The following ADAMTS19 variants were observed in gnomAD, a reference collection of about 807,000 sequenced individuals.
ADAMTS19 encodes ADAM metallopeptidase with thrombospondin type 1 motif 19, also known as A disintegrin and metalloproteinase with thrombospondin motifs 19.
Under a neutral mutation model 153.3 loss-of-function variants are expected in ADAMTS19, and 93 were observed. The observed-to-expected ratio is 0.61, with a 90% CI of 0.51 to 0.72. ADAMTS19 has a LOEUF of 0.72. Among genes scored for constraint, ADAMTS19 ranks in the 30% least tolerant of loss-of-function variants. The probability of loss-of-function intolerance (pLI) is 0.00; values close to 1 mark genes in which losing one functional copy is unlikely to be tolerated. For synonymous variants in ADAMTS19, 600 were observed against 556.6 expected (o/e 1.08, Z -1.10); for missense variants, 1,482 against 1,552.1 (o/e 0.95, Z 0.76).
chr5:129,514,062 G>A (rs868222434), intron 3 of ADAMTS19, among the ~76,000 whole-genome samples: 18 of 151,740 alleles, frequency 1.2e-4, no homozygotes, highest in South Asian at 6.2e-4. Flanking sequence ...TGTGCCTGGC[G>A]TCTTTCACTT....
At chr5:129,735,393 C>T (rs142217926) in intron 22 of ADAMTS19, among the ~76,000 whole-genome samples, 3 of 151,924 alleles carry the variant, frequency 2.0e-5, no homozygotes, top group Non-Finnish European at 4.4e-5. Flanking sequence ...AATTTAGACT[C>T]GGATCAATCT....
intron 7 of ADAMTS19, among the ~76,000 whole-genome samples, chr5:129,573,880 G>C (rs1754000920): frequency 6.6e-6 from 1 of 151,876 alleles, no homozygotes; most frequent in Admixed American, 6.6e-5. Flanking sequence ...AAAATATGTT[G>C]ATTATATCCT....
In ADAMTS19 at chr5:129,585,798, A is replaced by T. The variant is rs191332952; in HGVS notation, c.1373-10761A>T. Among the ~76,000 whole-genome samples the T allele has an allele frequency of 1.9e-3, 293 of 152,330 alleles. 2 individuals are homozygous for T. Among genetic ancestry groups the T allele is most frequent in the Non-Finnish European group, 3.5e-3 (236 of 68,030 alleles). On this transcript the variant is annotated intron_variant, in intron 7 of 22. Transcript: ENST00000274487. The stretch of plus-strand genomic sequence containing the variant: ...GATTCTTATTTGTTATAAAACTTTA[A>T]ACATGCCATTTCATTATTTCCAGCT...
intron 2 of ADAMTS19, among the ~76,000 whole-genome samples, chr5:129,478,227 G>A (rs1750290462): frequency 6.6e-6 from 1 of 152,134 alleles, no homozygotes; most frequent in Admixed American, 6.5e-5. Context: ...TCTATAGGGT[G>A]TTGCTATGTA....
intron 2 of ADAMTS19, among the ~76,000 whole-genome samples, chr5:129,466,920 A>C (rs1430501713): frequency 1.1e-4 from 16 of 152,230 alleles, no homozygotes; most frequent in Non-Finnish European, 4.4e-5. Flanking sequence ...CATGGAAAGC[A>C]GTTTATGTGT....
At chr5:129,680,061 G>T in intron 17 of ADAMTS19, 140 bp downstream of exon 17, 1 of 980,860 alleles carries the variant, frequency 1.0e-6, no homozygotes. Context: ...AATTTTTAGA[G>T]GTTTTGTAAA....
At chr5:129,730,762 A>C (rs549776559) in intron 21 of ADAMTS19, among the ~76,000 whole-genome samples, 1 of 152,252 alleles carries the variant, frequency 6.6e-6, no homozygotes, top group South Asian at 2.1e-4. Context: ...CTACGTCTTA[A>C]AATCCATCAT....
intron 16 of ADAMTS19, among the ~76,000 whole-genome samples, chr5:129,675,709 T>G (rs1421874623): frequency 6.6e-6 from 1 of 152,182 alleles, no homozygotes; most frequent in Admixed American, 6.5e-5. Flanking sequence ...TGAATTATTG[T>G]GCATACTGAA....
intron 2 of ADAMTS19, among the ~76,000 whole-genome samples, chr5:129,494,732 G>A (rs937467108): frequency 5.9e-5 from 9 of 152,006 alleles, no homozygotes; most frequent in East Asian, 3.9e-4. Flanking sequence ...CTATATTATC[G>A]ATGGCCATAT....
At position 129,648,781 on chromosome 5, in the gene ADAMTS19, T is replaced by C; in HGVS notation, c.2004-17T>C. ...CATAAAAAACATAAAATTGATTATT[T>C]GTACTTTCTTTTCTAGGCTAGATTC... is the stretch of plus-strand genomic sequence containing the variant. On this transcript the variant is annotated splice_polypyrimidine_tract_variant and intron_variant, in intron 12 of 22. Coordinates refer to ENST00000274487, the MANE Select transcript of ADAMTS19 (RefSeq NM_133638.6). 6.2e-7 allele frequency: 1 copy of C among 1,608,208 alleles called. No homozygotes were observed.
intron 7 of ADAMTS19, among the ~76,000 whole-genome samples, chr5:129,568,840 A>G (rs1753802271): frequency 6.6e-6 from 1 of 152,084 alleles, no homozygotes; most frequent in African/African-American, 2.4e-5. Flanking sequence ...ATAAATAATT[A>G]AACAAATCAT....
chr5:129,507,739 A>C (rs540364830), intron 2 of ADAMTS19, among the ~76,000 whole-genome samples: 2 of 151,762 alleles, frequency 1.3e-5, no homozygotes, highest in East Asian at 3.9e-4. Flanking sequence ...AGAGATTGAG[A>C]CATAGGGAAA....
chr5:129,610,259 C>T (rs987914337), intron 8 of ADAMTS19, among the ~76,000 whole-genome samples: 9 of 151,890 alleles, frequency 5.9e-5, no homozygotes, highest in South Asian at 2.1e-4. Context: ...TCTGTGTAAA[C>T]GCAGATTAGA....
chr5:129,611,212 C>T (rs1751198474), intron 8 of ADAMTS19, among the ~76,000 whole-genome samples: 1 of 151,694 alleles, frequency 6.6e-6, no homozygotes. Context: ...GAGTAGATTG[C>T]AAAAATTTTC....
intron 21 of ADAMTS19, among the ~76,000 whole-genome samples, chr5:129,731,777 T>C (rs553258210): frequency 6.6e-6 from 1 of 152,230 alleles, no homozygotes; most frequent in East Asian, 1.9e-4. Context: ...TATGTCTGTA[T>C]ACTTAAAAGA....
Position 129,526,387 on chromosome 5 carries a change from A to G in ADAMTS19, c.1017A>G (p.Ala339=), listed in dbSNP as rs891328559. 2.5e-6 allele frequency: 4 copies of G among 1,605,068 alleles called. No homozygotes were observed. Among genetic ancestry groups the G allele is most frequent in the African/African-American group, 1.3e-5 (1 of 74,242 alleles). Residue 339 remains alanine, a synonymous_variant, in exon 4 of 23, where the codon GCA becomes GCG. Transcript: ENST00000274487. ...QEYNIETVVV[A]DPAMVSYHGA... is the part of the protein sequence containing the mutation. Reference sequence around the variant, plus strand: ...ACAACATAGAGACTGTAGTGGTTGCAGACCCAGCAATGGTTTCCTATCATG... The same window carrying G: ...ACAACATAGAGACTGTAGTGGTTGCGGACCCAGCAATGGTTTCCTATCATG...
intron 3 of ADAMTS19, among the ~76,000 whole-genome samples, chr5:129,524,855 ACT>A (rs1401766696): frequency 6.6e-6 from 1 of 151,754 alleles, no homozygotes; most frequent in African/African-American, 2.4e-5. Flanking sequence ...TAAGATATTC[ACT>A]GAGTTGGTTT....
intron 18 of ADAMTS19, among the ~76,000 whole-genome samples, chr5:129,692,251 TAGGAAGCTAAG>T (rs1755370220): frequency 6.6e-6 from 1 of 152,088 alleles, no homozygotes; most frequent in African/African-American, 2.4e-5. Context: ...CCCTGAAGCA[TAGGAAGCTAAG>T]AGGAAGCTGA....
chr5:129,460,333 G>T lies in ADAMTS19; in HGVS notation c.-59G>T. 1 of 1,270,578 alleles carries T rather than the reference G, an allele frequency of 7.9e-7. No individual in the cohort carries two copies. The allele number at this position is 1,270,578 out of a possible 1,614,324, so 78.7% of individuals were successfully genotyped here. A position where few individuals can be genotyped will look rare whatever the true frequency, so the allele number is the denominator to read the frequency against. ...CGCTCCGGGGAGGCCGCTGCGCCCC[G>T]GAGTGGATCGCGCTGGAGGCGTGCG... On this transcript the variant is annotated 5_prime_UTR_variant, in exon 1 of 23. Coordinates refer to ENST00000274487, the MANE Select transcript of ADAMTS19 (RefSeq NM_133638.6).
Sources: allele counts gnomAD v4.1 joint callset (sites outside exome capture counted in the v4.1 genomes callset), GRCh38; gene constraint gnomAD v4.1.1; transcripts MANE v1.5; gene names NCBI Gene and HGNC (gene_info 2026-07-23, HGNC 2026-07-21).